Variants in XKR6 observed in about 807,000 individuals in gnomAD.
XKR6 encodes the protein XK related 6.
In XKR6, 22 loss-of-function variants were observed where a neutral mutation model predicts 56.7. The observed-to-expected ratio is 0.39, with a 90% confidence interval of 0.28 to 0.55. The LOEUF (loss-of-function observed/expected upper bound fraction) is 0.55, where lower values mean the gene tolerates loss of function less well. XKR6 is among the 20% of genes least tolerant of loss of function. The pLI is 0.66. For synonymous variants in XKR6, 524 were observed against 387.8 expected, an observed-to-expected ratio of 1.35 and a Z score of -4.13; for missense variants, 852 against 889.0, an observed-to-expected ratio of 0.96 and a Z score of 0.53.
rs181476477 is a variant in XKR6 at position 11,149,944 on chromosome 8, C to A, written c.764+50632G>T. 5.3e-5 allele frequency among the ~76,000 whole-genome samples: 8 copies of A among 152,274 alleles called. No homozygotes were observed. In the East Asian group the frequency reaches 1.5e-3, roughly 29 times the overall value. On this transcript the variant is annotated intron_variant, in intron 1 of 2. Coordinates refer to ENST00000416569, the MANE Select transcript of XKR6 (RefSeq NM_173683.4). Reference sequence around the variant, plus strand: ...GCCGTTTGCAGCGTCATGGATGAAACTGAAGGTTATTAAGTGAAATAAGCC... The same window carrying A: ...GCCGTTTGCAGCGTCATGGATGAAAATGAAGGTTATTAAGTGAAATAAGCC...
chr8:11,053,872 A>G (rs531722884), intron 1 of XKR6, among the ~76,000 whole-genome samples: 1 of 152,172 alleles, frequency 6.6e-6, no homozygotes, highest in Admixed American at 6.5e-5. Flanking sequence ...GTCTTTCCGC[A>G]CTCTAGAATT....
chr8:10,984,841 T>C (rs1025724854), intron 1 of XKR6, among the ~76,000 whole-genome samples: 1 of 151,086 alleles, frequency 6.6e-6, no homozygotes, highest in African/African-American at 2.4e-5. Flanking sequence ...CTGATGTTCT[T>C]AGGAAGTCCC....
At chr8:11,145,080 T>A (rs868257722) in intron 1 of XKR6, among the ~76,000 whole-genome samples, 5 of 149,974 alleles carry the variant, frequency 3.3e-5, no homozygotes, top group Admixed American at 6.6e-5. Context: ...TACCTGAGTA[T>A]CTCTAATCTG....
rs141357916 is a variant in XKR6 at position 11,091,436 on chromosome 8, C to CAAATAAAT, written c.764+109132_764+109139dup. 3.3e-3 allele frequency among the ~76,000 whole-genome samples: 469 copies of CAAATAAAT among 143,082 alleles called. 3 individuals carry two copies. The highest frequency in any genetic ancestry group is 8.7e-3 in the African/African-American group (322 of 37,062). The allele number at this position is 143,082 out of a possible 152,430, so 93.9% of individuals were successfully genotyped here. A position where few individuals can be genotyped will look rare whatever the true frequency, so the allele number is the denominator to read the frequency against. The stretch of plus-strand genomic sequence containing the variant: ...TGGGCAACAGAATGAGACCCTGACT[C>CAAATAAAT]AAATAAATAAATAAATAAATAGATA... On this transcript the variant is annotated intron_variant, in intron 1 of 2. Coordinates refer to ENST00000416569, the MANE Select transcript of XKR6 (RefSeq NM_173683.4).
intron 1 of XKR6, among the ~76,000 whole-genome samples, chr8:11,074,099 G>A (rs1447738586): frequency 6.6e-6 from 1 of 152,258 alleles, no homozygotes; most frequent in Admixed American, 6.5e-5. Context: ...TGAGCAGAAA[G>A]CTAAGATCTT....
At chr8:11,106,979 T>A (rs528029232) in intron 1 of XKR6, among the ~76,000 whole-genome samples, 2 of 151,352 alleles carry the variant, frequency 1.3e-5, no homozygotes, top group South Asian at 4.2e-4. Context: ...GAGACAGAAA[T>A]CAAGGGCAGC....
At chr8:11,052,774 C>T (rs769376761) in intron 1 of XKR6, among the ~76,000 whole-genome samples, 23 of 151,390 alleles carry the variant, frequency 1.5e-4, no homozygotes, top group Non-Finnish European at 2.8e-4. Flanking sequence ...CAGAGCAGCA[C>T]ACTCCGGGAA....
At chr8:11,143,700 G>A (rs529552221) in intron 1 of XKR6, among the ~76,000 whole-genome samples, 1 of 152,334 alleles carries the variant, frequency 6.6e-6, no homozygotes, top group Non-Finnish European at 1.5e-5. Context: ...TTGTGATTAG[G>A]ATGGGACACA....
intron 1 of XKR6, among the ~76,000 whole-genome samples, chr8:11,163,603 A>T (rs955934264): frequency 2.0e-5 from 3 of 152,356 alleles, no homozygotes; most frequent in Middle Eastern, 3.4e-3. Flanking sequence ...GAATAACAAA[A>T]TATGCACTGA....
At chr8:11,033,655 G>T (rs563856292) in intron 1 of XKR6, among the ~76,000 whole-genome samples, 1 of 152,156 alleles carries the variant, frequency 6.6e-6, no homozygotes, top group East Asian at 1.9e-4. Flanking sequence ...TGCTCTACCA[G>T]CCCCTTAGAA....
chr8:11,085,012 G>T (rs1021671263), intron 1 of XKR6, among the ~76,000 whole-genome samples: 1 of 152,102 alleles, frequency 6.6e-6, no homozygotes, highest in Admixed American at 6.5e-5. Flanking sequence ...AGGTGCACCT[G>T]CAGTTTCCCA....
intron 1 of XKR6, among the ~76,000 whole-genome samples, chr8:11,070,403 C>G (rs922456855): frequency 1.3e-5 from 2 of 152,144 alleles, no homozygotes; most frequent in Non-Finnish European, 2.9e-5. Flanking sequence ...CATATGTAGT[C>G]AAGAACCAGA....
chr8:11,107,980 C>G (rs914103976), intron 1 of XKR6: 1 of 309,452 alleles, frequency 3.2e-6, no homozygotes, highest in East Asian at 9.8e-5. Context: ...CCACTCGGTC[C>G]CAATATTAGA....
At chr8:11,075,725 T>C (rs1474777766) in intron 1 of XKR6, among the ~76,000 whole-genome samples, 3 of 152,048 alleles carry the variant, frequency 2.0e-5, no homozygotes, top group Non-Finnish European at 4.4e-5. Context: ...ATACAAAAAT[T>C]AGCTGGGTGT....
chr8:10,984,720 C>CTATATGTATATATATATA (rs1212342415), intron 1 of XKR6, among the ~76,000 whole-genome samples: 7 of 83,234 alleles, frequency 8.4e-5, no homozygotes, highest in African/African-American at 2.1e-4. Context: ...CTCTCTCTCT[C>CTATATGTATATATATATA]TCTCTCTCTC....
intron 2 of XKR6, among the ~76,000 whole-genome samples, chr8:10,915,985 C>T (rs1800552806): frequency 6.6e-6 from 1 of 152,226 alleles, no homozygotes; most frequent in Non-Finnish European, 1.5e-5. Context: ...GCCATGAGCG[C>T]CCGGAAGTGG....
intron 1 of XKR6, among the ~76,000 whole-genome samples, chr8:10,963,234 C>T (rs55982337): frequency 0.031 from 4,727 of 152,340 alleles, 191 homozygotes; most frequent in East Asian, 0.081. Flanking sequence ...CGGCAGCTGT[C>T]GGCTCTGACT....
At chr8:11,009,176 T>C (rs925475273) in intron 1 of XKR6, among the ~76,000 whole-genome samples, 2 of 152,010 alleles carry the variant, frequency 1.3e-5, no homozygotes, top group African/African-American at 4.8e-5. Flanking sequence ...AAGTTCCGTG[T>C]GTGTAAGTGG....
At chr8:11,087,696 G>T (rs1191074592) in intron 1 of XKR6, among the ~76,000 whole-genome samples, 1 of 152,192 alleles carries the variant, frequency 6.6e-6, no homozygotes, top group Non-Finnish European at 1.5e-5. Flanking sequence ...TGTCATCTCT[G>T]AGCTACTGAA....
Sources: gnomAD v4.1 joint callset for allele counts (sites outside exome capture counted in the v4.1 genomes callset) on GRCh38, gnomAD v4.1.1 for gene constraint, MANE v1.5 for transcripts, NCBI Gene and HGNC (gene_info 2026-07-23, HGNC 2026-07-21) for gene names.